KNSTRN: variants seen among roughly 807,000 people sequenced by gnomAD.
The protein encoded by KNSTRN is kinetochore localized astrin (SPAG5) binding protein, also known as small kinetochore-associated protein.
In KNSTRN, 38 loss-of-function variants were observed where a neutral mutation model predicts 44.7. The ratio of observed to expected loss-of-function variants is 0.85; its 90% confidence interval spans 0.66 to 1.11. The LOEUF is 1.11. KNSTRN is among the 50% of genes most tolerant of loss of function. KNSTRN has a pLI of 0.00. For missense variants in KNSTRN, 406 were observed against 375.8 expected (o/e 1.08, Z -0.66); for synonymous variants, 158 against 148.1 (o/e 1.07, Z -0.48).
At chr15:40,387,290 G>A (rs1195170706) in intron 4 of KNSTRN, 84 bp downstream of exon 4, 1 of 1,163,212 alleles carries the variant, frequency 8.6e-7, no homozygotes. Flanking sequence ...TCATTTGTGG[G>A]ACTTGTTTAC....
intron 1 of KNSTRN, 69 bp downstream of exon 1, chr15:40,383,113 A>T: frequency 2.3e-5 from 36 of 1,595,928 alleles, no homozygotes; most frequent in Non-Finnish European, 3.1e-5. Context: ...GGAAAGGAGG[A>T]TTTTCTCTTT....
At chr15:40,387,284 T>C in intron 4 of KNSTRN, 78 bp downstream of exon 4, 1 of 1,173,342 alleles carries the variant, frequency 8.5e-7, no homozygotes, top group South Asian at 1.3e-5. Flanking sequence ...TCAGAATCAT[T>C]TGTGGGACTT....
chr15:40,383,889 C>T (rs1473896884), intron 2 of KNSTRN, among the ~76,000 whole-genome samples: 1 of 152,222 alleles, frequency 6.6e-6, no homozygotes, highest in African/African-American at 2.4e-5. Context: ...TTGCCATCTG[C>T]TTTGTGTTGC....
intron 4 of KNSTRN, among the ~76,000 whole-genome samples, chr15:40,387,861 A>G (rs1201062582): frequency 6.6e-6 from 1 of 152,118 alleles, no homozygotes; most frequent in Non-Finnish European, 1.5e-5. Flanking sequence ...TACAAAAATT[A>G]GCCAGGCATG....
chr15:40,389,679 G>A, intron 5 of KNSTRN, 68 bp downstream of exon 5: 1 of 1,343,778 alleles, frequency 7.4e-7, no homozygotes, highest in Non-Finnish European at 1.1e-6. Context: ...CTGATGGGTG[G>A]CCCCTTGGAT....
intron 3 of KNSTRN, chr15:40,386,741 T>G (rs1889909367): frequency 1.9e-6 from 1 of 532,800 alleles, no homozygotes; most frequent in African/African-American, 1.9e-5. Context: ...AGCATACAAG[T>G]GGCAGCACTG....
Position 40,387,184 on chromosome 15 carries a change from A to C in KNSTRN, c.463A>C (p.Thr155Pro). ...GCAAATGAAAGCTACTGACACTGCC[A>C]CCAGAAGGAATGTCAGAAAAGGGTG... Reference protein sequence around the residue: ...NGQMKATDTATRRNVRKGYKP... With the variant: ...NGQMKATDTAPRRNVRKGYKP... The change falls in exon 4 of 9, where the codon ACC becomes CCC. Residue 155 changes from threonine to proline, a missense_variant. Physicochemically the swap from Thr to Pro is conservative, Grantham distance 38 (BLOSUM62 -1). Coordinates refer to ENST00000249776, the MANE Select transcript of KNSTRN (RefSeq NM_033286.4). 1.2e-6 allele frequency: 2 copies of C among 1,613,638 alleles called. No individual in the cohort carries two copies. Among genetic ancestry groups the C allele is most frequent in the Middle Eastern group, 3.3e-4 (2 of 6,060 alleles).
chr15:40,386,332 A>ACAT, intron 2 of KNSTRN, 30 bp from the exon 3 acceptor site: 2 of 1,605,716 alleles, frequency 1.2e-6, no homozygotes, highest in Non-Finnish European at 1.7e-6. Flanking sequence ...TCATGATGCC[A>ACAT]GAAGCTTTAC....
rs138258522 is a variant in KNSTRN, at chr15:40,389,523, A to C, written c.503A>C (p.Lys168Thr). 230 of 1,613,784 alleles carry C rather than the reference A, an allele frequency of 1.4e-4. No individual in the cohort carries two copies. In the African/African-American group the frequency reaches 2.6e-3, roughly 18 times the overall value. ...NVRKGYKPLS[K>T]QKSEEELKDK... ...TATTACAGCTACAAACCACTGAGTAAGCAAAAATCAGAGGAAGAGCTCAAG... is the reference window on the plus strand; with the variant it reads ...TATTACAGCTACAAACCACTGAGTACGCAAAAATCAGAGGAAGAGCTCAAG... The change falls in exon 5 of 9, where the codon AAG (lysine) becomes ACG (threonine). Residue 168 changes from lysine (K) to threonine (T), a missense_variant. By Grantham distance (78) the Lys-to-Thr change is moderately conservative. Transcript: ENST00000249776.
At chr15:40,385,139 C>T (rs1351759828) in intron 2 of KNSTRN, among the ~76,000 whole-genome samples, 1 of 152,166 alleles carries the variant, frequency 6.6e-6, no homozygotes, top group African/African-American at 2.4e-5. Flanking sequence ...ATTGTAATGG[C>T]TCTTAAGTTA....
At position 40,382,810 on chromosome 15, in the gene KNSTRN, G is replaced by C. The variant is rs772531865; in HGVS notation, c.-26G>C. 6.2e-7 allele frequency: 1 copy of C among 1,601,026 alleles called. No individual in the cohort carries two copies. The highest frequency in any genetic ancestry group is 1.1e-5 in the South Asian group (1 of 89,952). On this transcript the variant is annotated 5_prime_UTR_variant, in exon 1 of 9. Coordinates refer to ENST00000249776, the MANE Select transcript of KNSTRN (RefSeq NM_033286.4). ...ACACCTTTCGCTAGGTCTGGCTCTGGCCTCTGAGCGAACCTTCCGTACAGT... is the reference window on the plus strand; with the variant it reads ...ACACCTTTCGCTAGGTCTGGCTCTGCCCTCTGAGCGAACCTTCCGTACAGT...
At chr15:40,389,730 A>G (rs1055487976) in intron 5 of KNSTRN, 106 bp from the exon 6 acceptor site, 2 of 1,371,464 alleles carry the variant, frequency 1.5e-6, no homozygotes, top group Middle Eastern at 3.7e-4. Flanking sequence ...GGGCAGAAAA[A>G]AAAAGCCAGG....
chr15:40,390,034 G>T (rs934462857), intron 6 of KNSTRN, 105 bp downstream of exon 6: 4 of 850,058 alleles, frequency 4.7e-6, no homozygotes, highest in African/African-American at 1.7e-5. Context: ...TATGTGCAGG[G>T]GTTACTTTCA....
chr15:40,385,450 G>T (rs895238773), intron 2 of KNSTRN, among the ~76,000 whole-genome samples: 1 of 152,202 alleles, frequency 6.6e-6, no homozygotes, highest in South Asian at 2.1e-4. Flanking sequence ...AGTGGTAGAG[G>T]CAGGCAGCAT....
chr15:40,392,680 G>A (rs1890020539), intron 8 of KNSTRN, among the ~76,000 whole-genome samples: 2 of 152,128 alleles, frequency 1.3e-5, no homozygotes, highest in South Asian at 4.1e-4. Flanking sequence ...GCGTGATCTC[G>A]GCTCACTGCA....
chr15:40,385,580 T>C (rs1031159333), intron 2 of KNSTRN, among the ~76,000 whole-genome samples: 1 of 152,182 alleles, frequency 6.6e-6, no homozygotes, highest in African/African-American at 2.4e-5. Context: ...TGCCAGATAC[T>C]TTCCTAGGTG....
Position 40,382,988 on chromosome 15 carries a change from A to T in KNSTRN, c.153A>T (p.Ala51=). The T allele has an allele frequency of 3.1e-6, 5 of 1,612,168 alleles. No individual in the cohort carries two copies. The highest frequency in any genetic ancestry group is 3.4e-6 in the Non-Finnish European group (4 of 1,180,026). Residue 51 remains alanine, a synonymous_variant, in exon 1 of 9, where the codon GCA becomes GCT. Transcript: ENST00000249776. ...ADLAGGTTVA[A]GNLLNESEKD... The stretch of plus-strand genomic sequence containing the variant: ...TAGCCGGTGGCACGACAGTTGCTGC[A>T]GGGAATCTTTTAAACGAGAGCGAGA...
intron 2 of KNSTRN, among the ~76,000 whole-genome samples, chr15:40,383,823 T>C (rs906738364): frequency 1.1e-4 from 16 of 152,200 alleles, no homozygotes; most frequent in African/African-American, 3.9e-4. Flanking sequence ...CTAGGCACAG[T>C]ATTTGAGAAA....
chr15:40,393,661 C>A lies in KNSTRN; in HGVS notation c.*64C>A. On this transcript the variant is annotated 3_prime_UTR_variant, in exon 9 of 9. Coordinates refer to ENST00000249776, the MANE Select transcript of KNSTRN (RefSeq NM_033286.4). ...AAATCTCAGAGGAAGCTACTTAGGA[C>A]ATCATCTTGGCCATGATCTTCTGGG... The A allele has an allele frequency of 6.8e-7, 1 of 1,461,544 alleles. No homozygotes were observed. Among genetic ancestry groups the A allele is most frequent in the Non-Finnish European group, 9.4e-7 (1 of 1,062,840 alleles). The allele number at this position is 1,461,544 out of a possible 1,614,324, so 90.5% of individuals were successfully genotyped here.
Sources: gnomAD v4.1 joint callset for allele counts (sites outside exome capture counted in the v4.1 genomes callset) on GRCh38, gnomAD v4.1.1 for gene constraint, MANE v1.5 for transcripts, NCBI Gene and HGNC (gene_info 2026-07-23, HGNC 2026-07-21) for gene names.